The following PDSS2 variants were observed in gnomAD, a reference collection of about 807,000 sequenced individuals.
The protein encoded by PDSS2 is decaprenyl diphosphate synthase subunit 2.
A neutral mutation model predicts 44.5 loss-of-function variants in PDSS2; 31 were observed. The observed-to-expected ratio is 0.70, with a 90% confidence interval of 0.52 to 0.94. PDSS2 has a LOEUF of 0.94. PDSS2 is among the 40% of genes least tolerant of loss of function. The probability of loss-of-function intolerance (pLI) is 0.00; values close to 1 mark genes in which losing one functional copy is unlikely to be tolerated. For missense variants in PDSS2, 452 were observed against 482.2 expected (o/e 0.94, Z 0.59); for synonymous variants, 157 against 180.3 (o/e 0.87, Z 1.03).
intron 1 of PDSS2, among the ~76,000 whole-genome samples, chr6:107,457,533 C>A (rs1782083361): frequency 6.6e-6 from 1 of 152,202 alleles, no homozygotes; most frequent in Non-Finnish European, 1.5e-5. Context: ...GGTAGCATCC[C>A]TGGCCTCTAT....
rs139123066 is a variant in PDSS2 at position 107,157,450 on chromosome 6, C to T, written c.1042-2673G>A. Among the ~76,000 whole-genome samples, 438 of 150,746 alleles carry T rather than the reference C, an allele frequency of 2.9e-3. 1 individual carries two copies. Among genetic ancestry groups the T allele is most frequent in the African/African-American group, 1.0e-2 (410 of 41,046 alleles). ...ATCCTCCTGCCTCAGCCTCCCAAAC[C>T]TTCTCCCCTTTAATTATAGGGGAAC... On this transcript the variant is annotated intron_variant, in intron 7 of 7. Coordinates refer to ENST00000369037, the MANE Select transcript of PDSS2 (RefSeq NM_020381.4).
At chr6:107,210,110 C>T (rs1250342500) in intron 6 of PDSS2, among the ~76,000 whole-genome samples, 1 of 151,966 alleles carries the variant, frequency 6.6e-6, no homozygotes, top group Non-Finnish European at 1.5e-5. Context: ...AAATTGCAGT[C>T]AGTTATAGGG....
intron 4 of PDSS2, among the ~76,000 whole-genome samples, chr6:107,222,827 T>TG (rs777333845): frequency 6.6e-6 from 1 of 152,042 alleles, no homozygotes; most frequent in Non-Finnish European, 1.5e-5. Context: ...GGTTGTAGAC[T>TG]GGGTGTGGTG....
intron 2 of PDSS2, among the ~76,000 whole-genome samples, chr6:107,280,898 C>T (rs1775941425): frequency 6.6e-6 from 1 of 152,108 alleles, no homozygotes; most frequent in Admixed American, 6.5e-5. Context: ...CAGAAAAGTA[C>T]ATACTCTTGA....
At chr6:107,337,368 A>G (rs142775893) in intron 1 of PDSS2, among the ~76,000 whole-genome samples, 70 of 152,270 alleles carry the variant, frequency 4.6e-4, no homozygotes, top group African/African-American at 1.7e-3. Context: ...ACATTATGCT[A>G]TGTAGTGATG....
rs73762209 is a variant in PDSS2, at chr6:107,344,548, C to G, written c.297-10216G>C. 3.9e-3 allele frequency among the ~76,000 whole-genome samples: 592 copies of G among 152,190 alleles called. 8 individuals carry two copies. Among genetic ancestry groups the G allele is most frequent in the African/African-American group, 0.013 (553 of 41,532 alleles). On this transcript the variant is annotated intron_variant, in intron 1 of 7. Coordinates refer to ENST00000369037, the MANE Select transcript of PDSS2 (RefSeq NM_020381.4). Reference sequence around the variant, plus strand: ...CCACCTGCATTAAATCCTCGAGGGACAGCAGGGCCAAGAACTGCCTCACCA... The same window carrying G: ...CCACCTGCATTAAATCCTCGAGGGAGAGCAGGGCCAAGAACTGCCTCACCA...
intron 1 of PDSS2, among the ~76,000 whole-genome samples, chr6:107,434,637 T>C (rs976131839): frequency 1.3e-5 from 2 of 152,276 alleles, no homozygotes; most frequent in Non-Finnish European, 1.5e-5. Flanking sequence ...GGATGGTTAA[T>C]GAGTACAAAA....
At chr6:107,349,697 C>T (rs949124669) in intron 1 of PDSS2, among the ~76,000 whole-genome samples, 1 of 152,130 alleles carries the variant, frequency 6.6e-6, no homozygotes, top group Admixed American at 6.5e-5. Context: ...TGTAGTGAGC[C>T]GAGATCGTGC....
Position 107,455,493 on chromosome 6 carries a change from T to C in PDSS2, c.296+3497A>G, listed in dbSNP as rs947621536. On this transcript the variant is annotated intron_variant, in intron 1 of 7. Coordinates refer to ENST00000369037, the MANE Select transcript of PDSS2 (RefSeq NM_020381.4). ...AATCTGGGCCAGGCGCAGTGGCTCA[T>C]GCCTGTAATTCCAATACGTTGGGAG... Among the ~76,000 whole-genome samples, 4 of 151,968 alleles carry C rather than the reference T, an allele frequency of 2.6e-5. No individual in the cohort carries two copies. The East Asian group carries it at 5.8e-4, about 22-fold the overall frequency.
Position 107,429,509 on chromosome 6 carries a change from G to C in PDSS2, c.296+29481C>G, listed in dbSNP as rs9784883. Reference sequence around the variant, plus strand: ...CTGTATCTAAACACTCTTTGGCCTCGAACTATTGAGACATCTAAATGCCTG... The same window carrying C: ...CTGTATCTAAACACTCTTTGGCCTCCAACTATTGAGACATCTAAATGCCTG... On this transcript the variant is annotated intron_variant, in intron 1 of 7. Transcript: ENST00000369037. Among the ~76,000 whole-genome samples, 65 of 152,114 alleles carry C rather than the reference G, an allele frequency of 4.3e-4. No homozygotes were observed. In the South Asian group the frequency reaches 0.013, roughly 30 times the overall value.
chr6:107,435,932 C>T (rs1781336358), intron 1 of PDSS2, among the ~76,000 whole-genome samples: 1 of 141,676 alleles, frequency 7.1e-6, no homozygotes, highest in Non-Finnish European at 1.5e-5. Flanking sequence ...AACGAAGTTA[C>T]AGAACACAAA....
intron 4 of PDSS2, among the ~76,000 whole-genome samples, chr6:107,227,014 CAG>C (rs1582814849): frequency 6.7e-6 from 1 of 149,470 alleles, no homozygotes; most frequent in East Asian, 2.0e-4. Context: ...TTTTTTGAGA[CAG>C]AGTCTCGCTC....
At chr6:107,175,869 G>A (rs920127202) in intron 7 of PDSS2, among the ~76,000 whole-genome samples, 6 of 152,122 alleles carry the variant, frequency 3.9e-5, no homozygotes, top group East Asian at 1.9e-4. Flanking sequence ...TATCTCATCC[G>A]CCACTGAGTC....
chr6:107,267,621 ATT>A (rs1775453989), intron 3 of PDSS2, among the ~76,000 whole-genome samples: 1 of 137,442 alleles, frequency 7.3e-6, no homozygotes, highest in Non-Finnish European at 1.5e-5. Flanking sequence ...CAGGGGCTCT[ATT>A]GCCCAGGCTA....
At chr6:107,378,546 G>A (rs966158764) in intron 1 of PDSS2, among the ~76,000 whole-genome samples, 2 of 152,140 alleles carry the variant, frequency 1.3e-5, no homozygotes, top group East Asian at 1.9e-4. Context: ...AGCACTTTGG[G>A]AGGCCAAGGT....
At chr6:107,385,247 C>T (rs1779576469) in intron 1 of PDSS2, among the ~76,000 whole-genome samples, 1 of 151,734 alleles carries the variant, frequency 6.6e-6, no homozygotes, top group African/African-American at 2.4e-5. Flanking sequence ...GCCTATAGTC[C>T]CAGGTACTCA....
intron 3 of PDSS2, among the ~76,000 whole-genome samples, chr6:107,252,480 G>A (rs1261718578): frequency 6.6e-6 from 1 of 152,180 alleles, no homozygotes; most frequent in Non-Finnish European, 1.5e-5. Flanking sequence ...AGAGAGAAAT[G>A]GCACTACCAA....
chr6:107,236,276 T>A (rs532361927), intron 4 of PDSS2, among the ~76,000 whole-genome samples: 19 of 152,276 alleles, frequency 1.2e-4, no homozygotes, highest in African/African-American at 4.3e-4. Context: ...CTATATCCAG[T>A]GAACATATAT....
intron 4 of PDSS2, among the ~76,000 whole-genome samples, chr6:107,241,371 G>A (rs1171903615): frequency 3.5e-5 from 4 of 115,074 alleles, no homozygotes; most frequent in Non-Finnish European, 6.9e-5. Flanking sequence ...TTTTTGAGAC[G>A]GAGCCTCGCT....
Sources: gnomAD v4.1 joint callset for allele counts (sites outside exome capture counted in the v4.1 genomes callset) on GRCh38, gnomAD v4.1.1 for gene constraint, MANE v1.5 for transcripts, NCBI Gene and HGNC (gene_info 2026-07-23, HGNC 2026-07-21) for gene names.